Variants in MORC1 observed in about 807,000 individuals in gnomAD.
MORC1 encodes MORC family CW-type zinc finger 1, also known as MORC family CW-type zinc finger protein 1.
Under a neutral mutation model 134.9 loss-of-function variants are expected in MORC1, and 59 were observed. The ratio of observed to expected loss-of-function variants is 0.44; its 90% CI spans 0.35 to 0.54. The LOEUF is 0.54. Ranked by LOEUF, MORC1 falls within the 20% of genes least tolerant of loss-of-function variation. The probability of loss-of-function intolerance (pLI) is 0.00; values close to 1 mark genes in which losing one functional copy is unlikely to be tolerated. For missense variants in MORC1, 947 were observed against 1,134.5 expected, an observed-to-expected ratio of 0.83 and a Z score of 2.37; for synonymous variants, 395 against 391.7, an observed-to-expected ratio of 1.01 and a Z score of -0.10.
At chr3:109,020,382 C>A (rs1948927007) in intron 17 of MORC1, among the ~76,000 whole-genome samples, 1 of 152,086 alleles carries the variant, frequency 6.6e-6, no homozygotes, top group Non-Finnish European at 1.5e-5. Context: ...TGTCAGGAGA[C>A]CTTACACCCT....
chr3:109,060,163 C>T (rs1481867168), intron 11 of MORC1, among the ~76,000 whole-genome samples: 1 of 151,708 alleles, frequency 6.6e-6, no homozygotes, highest in Non-Finnish European at 1.5e-5. Flanking sequence ...ACAAAAACTA[C>T]ATGAAAACTT....
intron 9 of MORC1, among the ~76,000 whole-genome samples, chr3:109,063,724 T>C (rs1950134077): frequency 6.6e-6 from 1 of 152,166 alleles, no homozygotes; most frequent in Admixed American, 6.5e-5. Flanking sequence ...GAAACCTGTT[T>C]TCAAGGTCCA....
chr3:108,964,777 TA>T (rs1947172932), intron 26 of MORC1, among the ~76,000 whole-genome samples: 1 of 152,106 alleles, frequency 6.6e-6, no homozygotes, highest in Non-Finnish European at 1.5e-5. Flanking sequence ...TTATGGAACA[TA>T]AGGACCTTGT....
At chr3:108,988,537 G>A (rs1947957052) in intron 21 of MORC1, among the ~76,000 whole-genome samples, 1 of 152,138 alleles carries the variant, frequency 6.6e-6, no homozygotes, top group Non-Finnish European at 1.5e-5. Context: ...GATATTAAGT[G>A]TCTCCAACTT....
intron 14 of MORC1, among the ~76,000 whole-genome samples, chr3:109,039,051 G>A (rs1006246081): frequency 1.1e-4 from 16 of 152,048 alleles, no homozygotes; most frequent in African/African-American, 3.6e-4. Context: ...TGAATAGCTG[G>A]GATTACAGGT....
intron 8 of MORC1, among the ~76,000 whole-genome samples, chr3:109,073,484 G>T (rs1459152689): frequency 2.0e-5 from 3 of 152,170 alleles, no homozygotes; most frequent in Non-Finnish European, 4.4e-5. Context: ...ACAAAGAGGG[G>T]AGGAGAACAG....
intron 23 of MORC1, among the ~76,000 whole-genome samples, chr3:108,982,676 C>A (rs1251521895): frequency 5.4e-5 from 8 of 147,900 alleles, no homozygotes; most frequent in Admixed American, 4.1e-4. Flanking sequence ...ACATGTATAC[C>A]TATGTAACAA....
At position 109,027,821 on chromosome 3, in the gene MORC1, T is replaced by A; in HGVS notation, c.1634A>T (p.Asn545Ile). The A allele has an allele frequency of 4.3e-6, 7 of 1,613,884 alleles. No homozygotes were observed. Among genetic ancestry groups the A allele is most frequent in the Non-Finnish European group, 5.1e-6 (6 of 1,179,856 alleles). ...GTMSTISPSK[N>I]EKEKQLRESV... The stretch of plus-strand genomic sequence containing the variant: ...CTCTCTAAGTTGCTTCTCTTTCTCA[T>A]TTTTTGATGGTGATATTGTGCTCAT... The change falls in exon 17 of 28, where the codon AAT (asparagine) becomes ATT (isoleucine). Residue 545 changes from asparagine (N) to isoleucine (I), a missense_variant. Physicochemically the swap from Asn to Ile is moderately radical, Grantham distance 149. This residue lies in a region of MORC1 where 722 missense variants were observed against 817.0 expected (regional missense o/e 0.88). Coordinates refer to ENST00000232603, the MANE Select transcript of MORC1 (RefSeq NM_014429.4).
rs192139401 is a variant in MORC1, at chr3:108,990,063, C to G, written c.2188-3114G>C. Among the ~76,000 whole-genome samples the G allele has an allele frequency of 6.2e-3, 951 of 152,198 alleles. 4 individuals are homozygous for G. Among genetic ancestry groups the G allele is most frequent in the Non-Finnish European group, 9.5e-3 (645 of 68,000 alleles). On this transcript the variant is annotated intron_variant, in intron 21 of 27. Coordinates refer to ENST00000232603, the MANE Select transcript of MORC1 (RefSeq NM_014429.4). The stretch of plus-strand genomic sequence containing the variant: ...CAGTTCCCCTACACATTCTCTCTTG[C>G]CTGCTGCCATGTAAGACATGCCTTT...
intron 4 of MORC1, among the ~76,000 whole-genome samples, chr3:109,103,430 G>A (rs1950966190): frequency 6.6e-6 from 1 of 152,076 alleles, no homozygotes; most frequent in Admixed American, 6.6e-5. Flanking sequence ...AACAAGGAGA[G>A]GAAACCTCTA....
intron 8 of MORC1, among the ~76,000 whole-genome samples, chr3:109,073,122 C>G (rs1329797877): frequency 1.3e-5 from 2 of 152,186 alleles, no homozygotes; most frequent in African/African-American, 4.8e-5. Context: ...TCTTAACAGT[C>G]TCTAATTTAG....
At chr3:109,076,993 A>C (rs2107724861) in intron 8 of MORC1, among the ~76,000 whole-genome samples, 1 of 142,058 alleles carries the variant, frequency 7.0e-6, no homozygotes, top group East Asian at 2.1e-4. Context: ...AAAAAAAGTT[A>C]AGAGAAAATC....
At chr3:108,990,898 TTCTCTCTCTCTCTC>T (rs34333221) in intron 21 of MORC1, among the ~76,000 whole-genome samples, 2 of 145,664 alleles carry the variant, frequency 1.4e-5, no homozygotes, top group African/African-American at 2.5e-5. Flanking sequence ...GTTTCTCTCT[TTCTCTCTCTCTCTC>T]TCTCTCTCTC....
At chr3:109,093,057 T>C (rs1210588064) in intron 8 of MORC1, among the ~76,000 whole-genome samples, 2 of 152,214 alleles carry the variant, frequency 1.3e-5, no homozygotes, top group East Asian at 3.8e-4. Context: ...TTTTCAGTTT[T>C]AATATCTACA....
intron 21 of MORC1, 141 bp from the exon 22 acceptor site, chr3:108,987,090 A>C (rs1189625448): frequency 2.0e-6 from 1 of 512,614 alleles, no homozygotes; most frequent in African/African-American, 1.9e-5. Context: ...CTTTTTATAA[A>C]GGGAACAAAT....
chr3:108,976,530 A>C (rs529077968), intron 24 of MORC1, among the ~76,000 whole-genome samples: 3 of 152,346 alleles, frequency 2.0e-5, no homozygotes, highest in Middle Eastern at 6.8e-3. Context: ...CTTACAAAGA[A>C]AACAAGAAAT....
intron 1 of MORC1, 70 bp downstream of exon 1, chr3:109,117,925 G>A (rs1576764163): frequency 1.6e-6 from 2 of 1,285,462 alleles, no homozygotes; most frequent in East Asian, 2.5e-5. Flanking sequence ...TTCCTCAGGG[G>A]ACGGGCAAAA....
intron 8 of MORC1, among the ~76,000 whole-genome samples, chr3:109,090,108 GA>G (rs1306928247): frequency 2.0e-5 from 3 of 151,956 alleles, no homozygotes; most frequent in Admixed American, 6.6e-5. Flanking sequence ...CTATCTATTG[GA>G]AAAATTTTTT....
At chr3:109,108,464 T>C (rs1951085388) in intron 3 of MORC1, among the ~76,000 whole-genome samples, 2 of 152,198 alleles carry the variant, frequency 1.3e-5, no homozygotes, top group Admixed American at 6.5e-5. Context: ...CCTCCATTTC[T>C]AGTACTACTG....
Sources: gnomAD v4.1 joint callset for allele counts (sites outside exome capture counted in the v4.1 genomes callset) on GRCh38, gnomAD v4.1.1 for gene constraint, gnomAD v4.1.1 regional missense constraint, MANE v1.5 for transcripts, NCBI Gene and HGNC (gene_info 2026-07-23, HGNC 2026-07-21) for gene names.